RAD51B: variants seen among roughly 807,000 people sequenced by gnomAD.
RAD51B encodes the protein DNA repair protein RAD51 homolog 2.
RAD51B carries 38 observed loss-of-function variants against 42.2 expected under a neutral mutation model. The ratio of observed to expected loss-of-function variants is 0.90; its 90% confidence interval spans 0.70 to 1.18. The LOEUF (loss-of-function observed/expected upper bound fraction) is 1.18. Ranked by LOEUF, RAD51B falls within the 50% of genes most tolerant of loss-of-function variation. The probability of loss-of-function intolerance (pLI) is 0.00; values close to 1 mark genes in which losing one functional copy is unlikely to be tolerated. For synonymous variants in RAD51B, 154 were observed against 145.2 expected, an observed-to-expected ratio of 1.06 and a Z score of -0.43; for missense variants, 373 against 400.7, an observed-to-expected ratio of 0.93 and a Z score of 0.59.
At chr14:68,273,429 T>C (rs2081159948) in intron 7 of RAD51B, among the ~76,000 whole-genome samples, 1 of 152,212 alleles carries the variant, frequency 6.6e-6, no homozygotes, top group African/African-American at 2.4e-5. Flanking sequence ...AAAATTAAGC[T>C]GTTCTATCCA....
intron 7 of RAD51B, among the ~76,000 whole-genome samples, chr14:68,030,707 T>G (rs975175338): frequency 1.3e-5 from 2 of 152,234 alleles, no homozygotes; most frequent in Non-Finnish European, 2.9e-5. Context: ...TAATTTCCCT[T>G]AAGAACTTTT....
At chr14:68,120,516 C>T (rs1211452930) in intron 7 of RAD51B, among the ~76,000 whole-genome samples, 1 of 152,180 alleles carries the variant, frequency 6.6e-6, no homozygotes, top group Admixed American at 6.5e-5. Context: ...AACTGGCCCT[C>T]AATACATATT....
intron 8 of RAD51B, among the ~76,000 whole-genome samples, chr14:68,365,529 C>G (rs2083124531): frequency 6.6e-6 from 1 of 152,218 alleles, no homozygotes; most frequent in East Asian, 1.9e-4. Flanking sequence ...AGATTAAAGT[C>G]TTTTCCAAAA....
At chr14:68,291,331 G>A (rs1388322654) in intron 7 of RAD51B, among the ~76,000 whole-genome samples, 1 of 151,942 alleles carries the variant, frequency 6.6e-6, no homozygotes, top group African/African-American at 2.4e-5. Context: ...CCCGAGTAGA[G>A]TAGCTGGGAT....
chr14:68,484,359 CTTT>C (rs10665607), intron 10 of RAD51B, among the ~76,000 whole-genome samples: 7 of 130,148 alleles, frequency 5.4e-5, no homozygotes, highest in Admixed American at 2.3e-4. Context: ...CTTTCTTTTT[CTTT>C]TTTTTTTTTT....
In RAD51B at chr14:67,936,900, T is replaced by C. The variant is rs541704903; in HGVS notation, c.756+49696T>C. 8.1e-4 allele frequency among the ~76,000 whole-genome samples: 123 copies of C among 152,316 alleles called. 1 individual carries two copies. Among genetic ancestry groups the C allele is most frequent in the African/African-American group, 2.9e-3 (121 of 41,576 alleles). ...CTCTTTTGGAGAAAGTCTATTTAAA[T>C]CTCTTGCCCAGTTGTAATTGGGTTG... On this transcript the variant is annotated intron_variant, in intron 7 of 10. Coordinates refer to ENST00000471583, the MANE Select transcript of RAD51B (RefSeq NM_133510.4).
intron 10 of RAD51B, among the ~76,000 whole-genome samples, chr14:68,642,893 C>T (rs1892491544): frequency 6.6e-6 from 1 of 152,114 alleles, no homozygotes; most frequent in African/African-American, 2.4e-5. Context: ...GCTTAATCTC[C>T]AAGTATTTGG....
chr14:68,443,552 T>C (rs2085351671), intron 9 of RAD51B, among the ~76,000 whole-genome samples: 1 of 152,146 alleles, frequency 6.6e-6, no homozygotes, highest in African/African-American at 2.4e-5. Context: ...CTTATGTGGA[T>C]TTGCAAGTAA....
chr14:68,235,217 G>A (rs899166604), intron 7 of RAD51B, among the ~76,000 whole-genome samples: 2 of 151,904 alleles, frequency 1.3e-5, no homozygotes, highest in South Asian at 4.2e-4. Context: ...CCACAACCAC[G>A]TGAGTAATAT....
chr14:68,239,908 G>T (rs1430735163), intron 7 of RAD51B, among the ~76,000 whole-genome samples: 1 of 152,240 alleles, frequency 6.6e-6, no homozygotes, highest in Non-Finnish European at 1.5e-5. Flanking sequence ...TAGGTTGGAT[G>T]TGAAAAAGCT....
intron 8 of RAD51B, among the ~76,000 whole-genome samples, chr14:68,402,712 T>C (rs1178097112): frequency 6.6e-6 from 1 of 152,226 alleles, no homozygotes; most frequent in African/African-American, 2.4e-5. Flanking sequence ...AGACAGCGCA[T>C]GGAGTGGTGC....
At chr14:67,967,072 C>T (rs547516201) in intron 7 of RAD51B, among the ~76,000 whole-genome samples, 1 of 152,204 alleles carries the variant, frequency 6.6e-6, no homozygotes, top group South Asian at 2.1e-4. Flanking sequence ...AGGCGAAAGG[C>T]ACTTCTTCCA....
Position 68,648,036 on chromosome 14 carries a change from T to TATATATATACACAC in RAD51B, c.1037-2744_1037-2743insTATATATACACACA, listed in dbSNP as rs375269798. Among the ~76,000 whole-genome samples the TATATATATACACAC allele has an allele frequency of 2.6e-5, 3 of 114,008 alleles. No homozygotes were observed. The East Asian group carries it at 7.8e-4, about 30-fold the overall frequency. 74.8% of individuals were successfully genotyped at this position (114,008 alleles called of 152,430 possible). A position where few individuals can be genotyped will look rare whatever the true frequency, so the allele number is the denominator to read the frequency against. ...ATATATATATACGTATATATATATATACACACGTATATAGATGTGTGTGTG... is the reference window on the plus strand; with the variant it reads ...ATATATATATACGTATATATATATATATATATATACACACACACACGTATATAGATGTGTGTGTG... On this transcript the variant is annotated intron_variant, in intron 10 of 11. Coordinates refer to the RAD51B transcript ENST00000488612.
intron 10 of RAD51B, among the ~76,000 whole-genome samples, chr14:68,619,094 T>C (rs1008869055): frequency 6.6e-6 from 1 of 152,256 alleles, no homozygotes; most frequent in African/African-American, 2.4e-5. Flanking sequence ...CACAAGGGAC[T>C]CTTTTCCCTC....
intron 7 of RAD51B, among the ~76,000 whole-genome samples, chr14:68,193,354 C>G (rs1461027150): frequency 6.6e-6 from 1 of 152,060 alleles, no homozygotes; most frequent in East Asian, 1.9e-4. Flanking sequence ...TTCACTGTAC[C>G]TTGTATTTTA....
At chr14:68,037,692 T>G (rs2076155824) in intron 7 of RAD51B, among the ~76,000 whole-genome samples, 1 of 152,250 alleles carries the variant, frequency 6.6e-6, no homozygotes, top group Non-Finnish European at 1.5e-5. Context: ...ATCTTCCGTG[T>G]GCCTCCAACA....
intron 7 of RAD51B, among the ~76,000 whole-genome samples, chr14:68,246,144 G>A (rs2080493224): frequency 6.6e-6 from 1 of 152,086 alleles, no homozygotes; most frequent in Middle Eastern, 3.4e-3. Context: ...ACACACAGTG[G>A]GCCCTAACTC....
chr14:68,552,279 T>G (rs1198648531), intron 10 of RAD51B, among the ~76,000 whole-genome samples: 1 of 152,164 alleles, frequency 6.6e-6, no homozygotes, highest in Non-Finnish European at 1.5e-5. Context: ...ATGTTTCACC[T>G]CCCAGGCATT....
chr14:68,389,723 A>G (rs2083693269), intron 8 of RAD51B, among the ~76,000 whole-genome samples: 1 of 152,226 alleles, frequency 6.6e-6, no homozygotes, highest in Admixed American at 6.5e-5. Context: ...AAAGTAGAAA[A>G]TTATTTTTTA....
Sources: allele counts gnomAD v4.1 joint callset (sites outside exome capture counted in the v4.1 genomes callset), GRCh38; gene constraint gnomAD v4.1.1; transcripts MANE v1.5; gene names NCBI Gene and HGNC (gene_info 2026-07-23, HGNC 2026-07-21).